Variants in PTPRM observed in about 807,000 individuals in gnomAD.
The protein encoded by PTPRM is receptor-type tyrosine-protein phosphatase mu.
In PTPRM, 47 loss-of-function variants were observed where a neutral mutation model predicts 186.7. That is an observed-to-expected ratio of 0.25 (90% CI 0.20 to 0.32). The LOEUF is 0.32. Ranked by LOEUF, PTPRM falls within the 10% of genes least tolerant of loss-of-function variation. PTPRM has a pLI of 1.00. For synonymous variants in PTPRM, 668 were observed against 674.9 expected, an observed-to-expected ratio of 0.99 and a Z score of 0.16; for missense variants, 1,494 against 1,865.0, an observed-to-expected ratio of 0.80 and a Z score of 3.66.
chr18:8,026,177 G>A (rs1482044490), intron 7 of PTPRM, among the ~76,000 whole-genome samples: 2 of 152,196 alleles, frequency 1.3e-5, no homozygotes, highest in Non-Finnish European at 2.9e-5. Context: ...GGATTTCTCA[G>A]CTTACCTCTG....
At chr18:8,253,456 G>A in intron 19 of PTPRM, 42 bp downstream of exon 19, 2 of 1,377,820 alleles carry the variant, frequency 1.5e-6, no homozygotes, top group South Asian at 1.9e-5. Flanking sequence ...ATTCCTTCTT[G>A]GATTCCATGC....
chr18:7,629,393 T>C (rs1467876522), intron 1 of PTPRM, among the ~76,000 whole-genome samples: 1 of 152,186 alleles, frequency 6.6e-6, no homozygotes, highest in Non-Finnish European at 1.5e-5. Flanking sequence ...AGCCACTTGT[T>C]GAAAGGATGT....
rs141950259 is a variant in PTPRM, at chr18:8,297,062, G to A, written c.2842+607G>A. On this transcript the variant is annotated intron_variant, in intron 20 of 32. Transcript: ENST00000580170. ...CTAAGTCGAGCCCAGCCTCATTAAT[G>A]TTGCGTAGCAATGCTGAGACACGCG... 5.2e-3 allele frequency among the ~76,000 whole-genome samples: 797 copies of A among 152,266 alleles called. 9 individuals carry two copies. The highest frequency in any genetic ancestry group is 0.018 in the African/African-American group (736 of 41,542).
intron 11 of PTPRM, among the ~76,000 whole-genome samples, chr18:8,108,604 TA>T: frequency 6.6e-6 from 1 of 152,340 alleles, no homozygotes; most frequent in South Asian, 2.1e-4. Flanking sequence ...CTTTCAAGTC[TA>T]AAAAAGTAGA....
chr18:8,012,056 ACT>A (rs1446811710), intron 7 of PTPRM, among the ~76,000 whole-genome samples: 1 of 152,024 alleles, frequency 6.6e-6, no homozygotes, highest in Non-Finnish European at 1.5e-5. Flanking sequence ...GTTTCTGGTT[ACT>A]CTCTAGTGGA....
intron 13 of PTPRM, among the ~76,000 whole-genome samples, chr18:8,133,906 T>C (rs1037246933): frequency 2.6e-5 from 4 of 152,126 alleles, no homozygotes; most frequent in East Asian, 1.9e-4. Flanking sequence ...AGGTATCTAC[T>C]TGGGAGTCAG....
chr18:7,599,750 G>A (rs1252390572), intron 1 of PTPRM, among the ~76,000 whole-genome samples: 2 of 152,164 alleles, frequency 1.3e-5, no homozygotes, highest in Non-Finnish European at 2.9e-5. Flanking sequence ...CCTCTTGAGG[G>A]AAAGCAAAGG....
rs138313785 is a variant in PTPRM at position 7,991,748 on chromosome 18, T to C, written c.1132+36334T>C. On this transcript the variant is annotated intron_variant, in intron 7 of 32. Coordinates refer to ENST00000580170, the MANE Select transcript of PTPRM (RefSeq NM_001105244.2). The stretch of plus-strand genomic sequence containing the variant: ...TTAGTAACTGACACAAAGGATTTTG[T>C]TGATTGTCCACATGGTTTCTGATTC... Among the ~76,000 whole-genome samples the C allele has an allele frequency of 9.5e-3, 1,445 of 152,206 alleles. 7 individuals are homozygous for C. The highest frequency in any genetic ancestry group is 0.033 in the South Asian group (161 of 4,824).
intron 4 of PTPRM, among the ~76,000 whole-genome samples, chr18:7,921,675 C>T (rs567062584): frequency 1.1e-4 from 16 of 152,186 alleles, no homozygotes; most frequent in Middle Eastern, 3.4e-3. Flanking sequence ...CCACCGCACC[C>T]GGCCTCTAAT....
In PTPRM at chr18:7,760,486, G is replaced by T. The variant is rs537170083; in HGVS notation, c.74-13663G>T. On this transcript the variant is annotated intron_variant, in intron 1 of 32. Transcript: ENST00000580170. The stretch of plus-strand genomic sequence containing the variant: ...GAAGCAGGGTTTTAGAAGGGCCTGC[G>T]CTGGGTTCGCCCTCGTGGGCTGAGA... Among the ~76,000 whole-genome samples the T allele has an allele frequency of 1.6e-4, 24 of 152,308 alleles. No homozygotes were observed. In the South Asian group the frequency reaches 3.3e-3, roughly 21 times the overall value.
At chr18:7,941,973 C>T (rs1775763828) in intron 5 of PTPRM, among the ~76,000 whole-genome samples, 1 of 152,116 alleles carries the variant, frequency 6.6e-6, no homozygotes, top group Non-Finnish European at 1.5e-5. Context: ...GACAGATTAA[C>T]AAGATAAACA....
intron 19 of PTPRM, among the ~76,000 whole-genome samples, chr18:8,288,978 G>A (rs148274317): frequency 2.0e-3 from 307 of 152,268 alleles, no homozygotes; most frequent in African/African-American, 7.1e-3. Flanking sequence ...GGTGGCTTAA[G>A]ACCCATGGCC....
At chr18:8,354,936 GT>G in intron 23 of PTPRM, among the ~76,000 whole-genome samples, 1 of 152,294 alleles carries the variant, frequency 6.6e-6, no homozygotes, top group Non-Finnish European at 1.5e-5. Flanking sequence ...TTGGGAGTGT[GT>G]TTTTAGTGAT....
intron 2 of PTPRM, among the ~76,000 whole-genome samples, chr18:7,858,135 A>T (rs909954844): frequency 1.3e-5 from 2 of 152,174 alleles, no homozygotes; most frequent in South Asian, 2.1e-4. Flanking sequence ...TATTTTTCTT[A>T]TTGAATAGGA....
chr18:7,986,795 T>A (rs2082986878), intron 7 of PTPRM, among the ~76,000 whole-genome samples: 1 of 152,228 alleles, frequency 6.6e-6, no homozygotes, highest in Admixed American at 6.5e-5. Flanking sequence ...CTAACCCCAG[T>A]ATTATAGATT....
At chr18:8,366,761 T>G (rs1436187626) in intron 23 of PTPRM, 2 of 152,212 alleles carry the variant, frequency 1.3e-5, no homozygotes, top group African/African-American at 4.8e-5. Context: ...ACTGTTAGCC[T>G]GATTGATGGC....
At chr18:8,144,379 G>A (rs960438664) in intron 14 of PTPRM, among the ~76,000 whole-genome samples, 2 of 152,168 alleles carry the variant, frequency 1.3e-5, no homozygotes, top group Non-Finnish European at 2.9e-5. Flanking sequence ...TTTGGGAGGT[G>A]GAGGCAGGTG....
At chr18:7,692,554 A>G (rs1368753966) in intron 1 of PTPRM, among the ~76,000 whole-genome samples, 3 of 152,214 alleles carry the variant, frequency 2.0e-5, no homozygotes, top group Non-Finnish European at 2.9e-5. Context: ...TAATGGTATT[A>G]TTAAGGGGCC....
intron 19 of PTPRM, among the ~76,000 whole-genome samples, chr18:8,255,144 C>G (rs74701758): frequency 2.0e-5 from 3 of 152,148 alleles, no homozygotes; most frequent in Admixed American, 6.5e-5. Context: ...CTTCCAAAAG[C>G]TTAATATCGT....
Sources: allele counts gnomAD v4.1 joint callset (sites outside exome capture counted in the v4.1 genomes callset), GRCh38; gene constraint gnomAD v4.1.1; transcripts MANE v1.5; gene names NCBI Gene and HGNC (gene_info 2026-07-23, HGNC 2026-07-21).